LARGE1: variants seen among roughly 807,000 people sequenced by gnomAD.
The protein encoded by LARGE1 is xylosyl- and glucuronyltransferase LARGE1.
A neutral mutation model predicts 87.6 loss-of-function variants in LARGE1; 43 were observed. That is an observed-to-expected ratio of 0.49 (90% CI 0.38 to 0.63). The LOEUF (loss-of-function observed/expected upper bound fraction) is 0.63, where lower values mean the gene tolerates loss of function less well. Among genes scored for constraint, LARGE1 ranks in the 30% least tolerant of loss-of-function variants. The probability of loss-of-function intolerance (pLI) is 0.00; values close to 1 mark genes in which losing one functional copy is unlikely to be tolerated. For synonymous variants in LARGE1, 434 were observed against 394.6 expected (o/e 1.10, Z -1.18); for missense variants, 802 against 1,000.2 (o/e 0.80, Z 2.67).
intron 6 of LARGE1, among the ~76,000 whole-genome samples, chr22:33,515,614 A>G (rs2071268021): frequency 6.6e-6 from 1 of 152,150 alleles, no homozygotes; most frequent in Non-Finnish European, 1.5e-5. Flanking sequence ...ATTCAACGAG[A>G]AAACAGCCAG....
chr22:33,895,012 C>G (rs957398850), intron 1 of LARGE1, among the ~76,000 whole-genome samples: 1 of 152,018 alleles, frequency 6.6e-6, no homozygotes, highest in Non-Finnish European at 1.5e-5. Context: ...CCTAGAAAAT[C>G]TGATCACCGA....
chr22:33,830,870 G>A (rs2062944328), intron 1 of LARGE1, among the ~76,000 whole-genome samples: 1 of 152,194 alleles, frequency 6.6e-6, no homozygotes, highest in South Asian at 2.1e-4. Context: ...AGAAGAAGAG[G>A]TGAGGGAGCT....
At chr22:33,719,341 T>C (rs115104236) in intron 2 of LARGE1, among the ~76,000 whole-genome samples, 1,821 of 152,174 alleles carry the variant, frequency 0.012, 31 homozygotes, top group African/African-American at 0.041. Flanking sequence ...GTAGCATAAG[T>C]GCGCAGTGTT....
intron 1 of LARGE1, among the ~76,000 whole-genome samples, chr22:33,821,848 T>C (rs1334382819): frequency 6.6e-6 from 1 of 151,560 alleles, no homozygotes; most frequent in Admixed American, 6.6e-5. Flanking sequence ...GGAATTAGAC[T>C]GAAAAGCCTG....
intron 1 of LARGE1, among the ~76,000 whole-genome samples, chr22:33,772,647 C>T (rs2085106475): frequency 6.6e-6 from 1 of 152,122 alleles, no homozygotes; most frequent in Non-Finnish European, 1.5e-5. Context: ...AGCCCCCTCC[C>T]CAACTTTGTC....
At chr22:33,886,664 A>G (rs60778695) in intron 1 of LARGE1, among the ~76,000 whole-genome samples, 10,690 of 145,840 alleles carry the variant, frequency 0.073, 845 homozygotes, top group African/African-American at 0.25. Context: ...GCCAAAAAAA[A>G]AAAAAAAAAA....
intron 7 of LARGE1, among the ~76,000 whole-genome samples, chr22:33,404,330 G>A (rs570216440): frequency 1.2e-4 from 19 of 152,338 alleles, no homozygotes; most frequent in African/African-American, 4.3e-4. Context: ...ACAGCAAGGA[G>A]TGCCTGCCTC....
intron 6 of LARGE1, among the ~76,000 whole-genome samples, chr22:33,507,673 C>T (rs748584127): frequency 6.6e-6 from 1 of 152,202 alleles, no homozygotes. Context: ...CTTAATGCCA[C>T]TGAACTATGT....
intron 1 of LARGE1, among the ~76,000 whole-genome samples, chr22:33,914,846 A>G (rs977836439): frequency 6.6e-6 from 1 of 152,150 alleles, no homozygotes; most frequent in Non-Finnish European, 1.5e-5. Context: ...GTATAGAGAC[A>G]GCGCCTGAAG....
chr22:33,193,453 G>C (rs1319166228), intron 11 of LARGE1, among the ~76,000 whole-genome samples: 2 of 152,150 alleles, frequency 1.3e-5, no homozygotes, highest in East Asian at 3.9e-4. Flanking sequence ...ATAGATATAA[G>C]AAATCAGGAA....
chr22:33,150,629 G>T, the LARGE1 span, among the ~76,000 whole-genome samples: 1 of 152,188 alleles, frequency 6.6e-6, no homozygotes. Flanking sequence ...TCTGTATAAA[G>T]TGTGAGACTT....
At chr22:33,256,960 C>G (rs1927316851) in intron 11 of LARGE1, among the ~76,000 whole-genome samples, 1 of 152,182 alleles carries the variant, frequency 6.6e-6, no homozygotes, top group Non-Finnish European at 1.5e-5. Context: ...AATCCCAGCA[C>G]TTCGGGAGGC....
At chr22:33,634,545 G>A (rs1324562435) in intron 3 of LARGE1, among the ~76,000 whole-genome samples, 2 of 152,070 alleles carry the variant, frequency 1.3e-5, no homozygotes, top group Non-Finnish European at 2.9e-5. Context: ...ACAAGACAAG[G>A]AAAGGCTGCA....
chr22:33,190,181 G>A (rs1923704601), intron 11 of LARGE1, among the ~76,000 whole-genome samples: 1 of 152,134 alleles, frequency 6.6e-6, no homozygotes, highest in Non-Finnish European at 1.5e-5. Context: ...TAGTGCTGGG[G>A]GGATTATGTA....
At chr22:33,427,208 C>G (rs1032696876) in intron 7 of LARGE1, among the ~76,000 whole-genome samples, 5 of 152,176 alleles carry the variant, frequency 3.3e-5, no homozygotes, top group Non-Finnish European at 7.3e-5. Flanking sequence ...GATGCCTGGG[C>G]AGAGCGGTTG....
chr22:33,594,862 C>T (rs2078936386), intron 5 of LARGE1, among the ~76,000 whole-genome samples: 1 of 152,190 alleles, frequency 6.6e-6, no homozygotes, highest in South Asian at 2.1e-4. Context: ...CTGCCTCAGC[C>T]TCCCAAAGTG....
At chr22:33,383,528 C>A (rs569477825) in intron 8 of LARGE1, among the ~76,000 whole-genome samples, 13 of 152,132 alleles carry the variant, frequency 8.5e-5, no homozygotes, top group South Asian at 8.3e-4. Context: ...CCACTGCATT[C>A]CAGCCTGGGT....
At chr22:33,118,801 T>G in the LARGE1 span, among the ~76,000 whole-genome samples, 1 of 152,218 alleles carries the variant, frequency 6.6e-6, no homozygotes, top group East Asian at 1.9e-4. Flanking sequence ...TTGTAATTGA[T>G]CCTCAGAGGA....
chr22:33,443,207 C>T (rs1183220614), intron 6 of LARGE1, among the ~76,000 whole-genome samples: 1 of 152,184 alleles, frequency 6.6e-6, no homozygotes, highest in African/African-American at 2.4e-5. Flanking sequence ...AGTCACATGT[C>T]AAGGTCAAGA....
Sources: allele counts gnomAD v4.1 joint callset (sites outside exome capture counted in the v4.1 genomes callset), GRCh38; gene constraint gnomAD v4.1.1; transcripts MANE v1.5; gene names NCBI Gene and HGNC (gene_info 2026-07-23, HGNC 2026-07-21).